KCNIP4: variants seen among roughly 807,000 people sequenced by gnomAD.
KCNIP4 encodes Kv channel-interacting protein 4.
A neutral mutation model predicts 34.0 loss-of-function variants in KCNIP4; 12 were observed. The observed-to-expected ratio is 0.35, with a 90% CI of 0.23 to 0.57. The LOEUF (loss-of-function observed/expected upper bound fraction) is 0.57, where lower values mean the gene tolerates loss of function less well. Ranked by LOEUF, KCNIP4 falls within the 20% of genes least tolerant of loss-of-function variation. The probability of loss-of-function intolerance (pLI) is 0.83; values close to 1 mark genes in which losing one functional copy is unlikely to be tolerated. For synonymous variants in KCNIP4, 124 were observed against 102.2 expected (o/e 1.21, Z -1.29); for missense variants, 238 against 311.7 (o/e 0.76, Z 1.78).
chr4:21,890,752 G>A (rs1234842992), intron 1 of KCNIP4, among the ~76,000 whole-genome samples: 1 of 152,054 alleles, frequency 6.6e-6, no homozygotes, highest in East Asian at 1.9e-4. Flanking sequence ...AACAGGCCTA[G>A]AGAACTGTCT....
At chr4:21,600,737 G>C (rs972092242) in intron 1 of KCNIP4, among the ~76,000 whole-genome samples, 3 of 152,020 alleles carry the variant, frequency 2.0e-5, no homozygotes, top group Admixed American at 6.6e-5. Flanking sequence ...ATGGTTGTGA[G>C]CTGTTCCTCT....
intron 1 of KCNIP4, among the ~76,000 whole-genome samples, chr4:21,075,779 A>G (rs914849028): frequency 1.3e-5 from 2 of 152,114 alleles, no homozygotes; most frequent in African/African-American, 4.8e-5. Flanking sequence ...GGCTGGTACA[A>G]GTTGTTCCTT....
intron 1 of KCNIP4, among the ~76,000 whole-genome samples, chr4:21,012,203 A>G (rs1341370077): frequency 6.6e-6 from 1 of 152,180 alleles, no homozygotes; most frequent in African/African-American, 2.4e-5. Flanking sequence ...TGCTTGGTAT[A>G]TAGTAGGTGC....
At chr4:21,515,013 T>A (rs1020176509) in intron 1 of KCNIP4, among the ~76,000 whole-genome samples, 2 of 152,204 alleles carry the variant, frequency 1.3e-5, no homozygotes, top group Admixed American at 1.3e-4. Flanking sequence ...TTACCTAACA[T>A]AATATGTTCT....
At chr4:21,316,987 G>A (rs183508105) in intron 1 of KCNIP4, among the ~76,000 whole-genome samples, 59 of 151,972 alleles carry the variant, frequency 3.9e-4, no homozygotes, top group African/African-American at 1.4e-3. Context: ...ATTTCTTTAG[G>A]TACCCAAAAA....
At chr4:21,716,599 T>G (rs1286463130) in intron 1 of KCNIP4, among the ~76,000 whole-genome samples, 1 of 152,062 alleles carries the variant, frequency 6.6e-6, no homozygotes, top group Non-Finnish European at 1.5e-5. Flanking sequence ...AACCCTGTAA[T>G]GAGGAGTTAC....
intron 1 of KCNIP4, among the ~76,000 whole-genome samples, chr4:21,804,257 C>T (rs1262758799): frequency 1.3e-5 from 2 of 152,204 alleles, no homozygotes; most frequent in Non-Finnish European, 1.5e-5. Context: ...GTTAGCTGAG[C>T]ACACATGGTC....
At chr4:21,788,287 A>G (rs1398916659) in intron 1 of KCNIP4, among the ~76,000 whole-genome samples, 1 of 123,388 alleles carries the variant, frequency 8.1e-6, no homozygotes, top group African/African-American at 3.0e-5. Flanking sequence ...ATGAAAAATG[A>G]AAAAAAAAAT....
At chr4:21,042,460 G>T (rs1458911038) in intron 1 of KCNIP4, among the ~76,000 whole-genome samples, 3 of 152,134 alleles carry the variant, frequency 2.0e-5, no homozygotes, top group Admixed American at 6.6e-5. Context: ...ATGATCTCTT[G>T]CATATGGAAT....
At position 20,857,054 on chromosome 4, in the gene KCNIP4, A is replaced by C. The variant is rs568692753; in HGVS notation, c.164-6387T>G. ...CATCACATGCAGTATTAAAAAAAAAAAAAAAACGCCCTTGAAGTGTCTGCC... is the reference window on the plus strand; with the variant it reads ...CATCACATGCAGTATTAAAAAAAAACAAAAAACGCCCTTGAAGTGTCTGCC... On this transcript the variant is annotated intron_variant, in intron 2 of 8. Transcript: ENST00000382152. Among the ~76,000 whole-genome samples the C allele has an allele frequency of 2.0e-5, 3 of 152,090 alleles. No homozygotes were observed. The South Asian group carries it at 6.2e-4, about 32-fold the overall frequency.
intron 1 of KCNIP4, among the ~76,000 whole-genome samples, chr4:21,037,035 G>GA (rs982419777): frequency 1.3e-4 from 19 of 148,294 alleles, no homozygotes; most frequent in South Asian, 8.5e-4. Context: ...GAAGTAAAAT[G>GA]AAAAAAAAAT....
At chr4:20,830,358 A>C (rs1186357320) in intron 3 of KCNIP4, among the ~76,000 whole-genome samples, 1 of 152,218 alleles carries the variant, frequency 6.6e-6, no homozygotes, top group Non-Finnish European at 1.5e-5. Flanking sequence ...AGAACTATGA[A>C]TTCTGGTCTA....
chr4:21,271,418 T>C (rs35648147), intron 1 of KCNIP4, among the ~76,000 whole-genome samples: 38,884 of 152,038 alleles, frequency 0.26, 5,111 homozygotes, highest in South Asian at 0.35. Flanking sequence ...TCTTATGCTG[T>C]GAAATATAGC....
At chr4:21,072,848 T>C (rs1423123680) in intron 1 of KCNIP4, among the ~76,000 whole-genome samples, 1 of 152,190 alleles carries the variant, frequency 6.6e-6, no homozygotes, top group Admixed American at 6.5e-5. Context: ...GGATCCAGTT[T>C]CAGTTTTCTC....
At chr4:21,694,316 G>A (rs1290899714) in intron 1 of KCNIP4, among the ~76,000 whole-genome samples, 2 of 152,114 alleles carry the variant, frequency 1.3e-5, no homozygotes, top group Non-Finnish European at 2.9e-5. Flanking sequence ...GGTACATCAA[G>A]AGGCAGATCT....
chr4:21,718,491 T>G (rs1485861671), intron 1 of KCNIP4: 1 of 152,128 alleles, frequency 6.6e-6, no homozygotes, highest in Non-Finnish European at 1.5e-5. Flanking sequence ...AGGATACATG[T>G]GCAGGACGTG....
intron 1 of KCNIP4, among the ~76,000 whole-genome samples, chr4:21,873,529 C>T (rs1725926681): frequency 6.6e-6 from 1 of 152,174 alleles, no homozygotes; most frequent in Non-Finnish European, 1.5e-5. Flanking sequence ...CAGTGCCTGG[C>T]ACAAAATAGT....
At chr4:21,847,524 C>A (rs1724096087) in intron 1 of KCNIP4, 2 of 152,118 alleles carry the variant, frequency 1.3e-5, no homozygotes, top group African/African-American at 4.8e-5. Context: ...ATCCACTTAA[C>A]CAATTACGCA....
intron 1 of KCNIP4, among the ~76,000 whole-genome samples, chr4:21,567,229 G>A (rs7681046): frequency 0.058 from 8,782 of 151,800 alleles, 557 homozygotes; most frequent in East Asian, 0.18. Flanking sequence ...ATATATATGT[G>A]TAGATCTATA....
Sources: allele counts gnomAD v4.1 joint callset (sites outside exome capture counted in the v4.1 genomes callset), GRCh38; gene constraint gnomAD v4.1.1; transcripts MANE v1.5; gene names NCBI Gene and HGNC (gene_info 2026-07-23, HGNC 2026-07-21).